LRCH4: variants seen among roughly 807,000 people sequenced by gnomAD.
LRCH4 encodes leucine-rich repeat and calponin homology domain-containing protein 4.
A neutral mutation model predicts 81.2 loss-of-function variants in LRCH4; 56 were observed. The observed-to-expected ratio is 0.69, with a 90% CI of 0.56 to 0.86. The LOEUF (loss-of-function observed/expected upper bound fraction) is 0.86, where lower values mean the gene tolerates loss of function less well. Ranked by LOEUF, LRCH4 falls within the 40% of genes least tolerant of loss-of-function variation. The pLI is 0.00. For synonymous variants in LRCH4, 442 were observed against 409.7 expected (o/e 1.08, Z -0.95); for missense variants, 895 against 922.8 (o/e 0.97, Z 0.39).
chr7:100,583,983 C>T lies in LRCH4; in HGVS notation c.221-1524G>A. 1 of 364,796 alleles carries T rather than the reference C, an allele frequency of 2.7e-6. No homozygotes were observed. The highest frequency in any genetic ancestry group is 5.5e-6 in the Non-Finnish European group (1 of 180,416). The allele number at this position is 364,796 out of a possible 1,614,324, so 22.6% of individuals were successfully genotyped here. ...CTGGGAGAGAATGAGCTGCACTTCT[C>T]CTTTGCAAGATGGCCCCTCCCCGCC... On this transcript the variant is annotated intron_variant, in intron 1 of 17. Coordinates refer to ENST00000310300, the MANE Select transcript of LRCH4 (RefSeq NM_002319.5). This position sits in a 1 kb window ranked among gnomAD's most constrained non-coding sequence, Gnocchi z 4.3.
Position 100,576,020 on chromosome 7 carries a change from G to C in LRCH4, c.1639-12C>G. 6.3e-7 allele frequency: 1 copy of C among 1,598,882 alleles called. No homozygotes were observed. Among genetic ancestry groups the C allele is most frequent in the Non-Finnish European group, 8.5e-7 (1 of 1,176,984 alleles). On this transcript the variant is annotated splice_polypyrimidine_tract_variant and intron_variant, in intron 15 of 17. Coordinates refer to ENST00000310300, the MANE Select transcript of LRCH4 (RefSeq NM_002319.5). ...CGGGACTCAAGGACCTGGCAGTGTA[G>C]ACCACATAGAGCAGGGGTCAGGGAA...
At position 100,575,187 on chromosome 7, in the gene LRCH4, C is replaced by T. The variant is rs1487842435; in HGVS notation, c.1972G>A (p.Gly658Ser). ...KALPPLWPPSGLGGFVVFYVV... is the reference protein window; with the variant it reads ...KALPPLWPPSSLGGFVVFYVV... ...TAGAAGACGACGAAGCCGCCCAGAC[C>T]AGAGGGGGGCCAGAGGGGCGGTAGG... Residue 658 changes from glycine (G) to serine (S), a missense_variant, in exon 18 of 18, where the codon GGT (glycine) becomes AGT (serine). Around this residue, in one of 3 missense-constraint regions of LRCH4, gnomAD observed 529 missense variants for 504.9 expected, o/e 1.05. Coordinates refer to ENST00000310300, the MANE Select transcript of LRCH4 (RefSeq NM_002319.5). This position sits in a 1 kb window ranked among gnomAD's most constrained non-coding sequence, Gnocchi z 5.3. The T allele has an allele frequency of 6.2e-7, 1 of 1,613,198 alleles. No individual in the cohort carries two copies. The highest frequency in any genetic ancestry group is 8.5e-7 in the Non-Finnish European group (1 of 1,179,596).
chr7:100,585,867 C>T lies in LRCH4; in HGVS notation c.220+14G>A, dbSNP rs1248114632. 1 of 1,560,320 alleles carries T rather than the reference C, an allele frequency of 6.4e-7. No homozygotes were observed. Among genetic ancestry groups the T allele is most frequent in the Non-Finnish European group, 8.7e-7 (1 of 1,148,414 alleles). Reference sequence around the variant, plus strand: ...TGAGGGACCCGGTTGGGCCCGGGGCCCGGCTGCACTCACCAGCCTGGGTGA... The same window carrying T: ...TGAGGGACCCGGTTGGGCCCGGGGCTCGGCTGCACTCACCAGCCTGGGTGA... On this transcript the variant is annotated intron_variant, in intron 1 of 17. Transcript: ENST00000310300.
rs773084693 is a variant in LRCH4, at chr7:100,576,914, T to C, written c.1456A>G (p.Ile486Val). Residue 486 changes from isoleucine (I) to valine (V), a missense_variant, in exon 13 of 18, where the codon ATA (isoleucine) becomes GTA (valine). Ile to Val is a conservative substitution (Grantham distance 29). This residue lies in a region of LRCH4 where 529 missense variants were observed against 504.9 expected (regional missense o/e 1.05). Coordinates refer to ENST00000310300, the MANE Select transcript of LRCH4 (RefSeq NM_002319.5). Reference protein sequence around the residue: ...PAPASQEPLPIAGPATAPAPR... With the variant: ...PAPASQEPLPVAGPATAPAPR... ...ATCCCTGTCCCACCTGGTCCAGCTA[T>C]GGGAAGGGGCTCTTGGGAGGCAGGG... 2.6e-6 allele frequency: 4 copies of C among 1,556,092 alleles called. No homozygotes were observed. The highest frequency in any genetic ancestry group is 3.5e-6 in the Non-Finnish European group (4 of 1,147,726).
At position 100,582,257 on chromosome 7, in the gene LRCH4, G is replaced by A; in HGVS notation, c.365+58C>T. 5 of 1,613,680 alleles carry A rather than the reference G, an allele frequency of 3.1e-6. 1 individual carries two copies. In the South Asian group the frequency reaches 5.5e-5, roughly 18 times the overall value. ...TCGGGGTCACTGGGTGGGTCACTCA[G>A]TAGTACTTGAGACTGAGAAGCACAC... is the stretch of plus-strand genomic sequence containing the variant. On this transcript the variant is annotated intron_variant, in intron 2 of 17. Transcript: ENST00000310300. The surrounding 1 kb of genome is among the most constrained non-coding windows in gnomAD (Gnocchi z 5.0).
chr7:100,575,937 C>A lies in LRCH4; in HGVS notation c.1710G>T (p.Leu570=). The change falls in exon 16 of 18, where the codon CTG becomes CTT. Residue 570 remains leucine (L), a synonymous_variant. Coordinates refer to ENST00000310300, the MANE Select transcript of LRCH4 (RefSeq NM_002319.5). The surrounding 1 kb of genome is among the most constrained non-coding windows in gnomAD (Gnocchi z 5.3). Reference sequence around the variant, plus strand: ...GCCGTAGCTGGTTGGCCAGCTGGCACAGGATGACCCCACTGGCCAGAGCCT... The same window carrying A: ...GCCGTAGCTGGTTGGCCAGCTGGCAAAGGATGACCCCACTGGCCAGAGCCT... ...LAEALASGVI[L]CQLANQLRPR... 6.2e-7 allele frequency: 1 copy of A among 1,611,296 alleles called. No individual in the cohort carries two copies.
At position 100,574,617 on chromosome 7, in the gene LRCH4, G is replaced by GGC. The variant is rs1554348384; in HGVS notation, c.*489_*490insGC. 7.3e-6 allele frequency: 1 copy of GGC among 136,878 alleles called. No individual in the cohort carries two copies. The highest frequency in any genetic ancestry group is 2.9e-5 in the African/African-American group (1 of 34,174). The allele number at this position is 136,878 out of a possible 1,614,324, so 8.5% of individuals were successfully genotyped here. On this transcript the variant is annotated 3_prime_UTR_variant, in exon 18 of 18. Coordinates refer to ENST00000310300, the MANE Select transcript of LRCH4 (RefSeq NM_002319.5). ...GCCACAGCCACCAACACGCGGAGCA[G>GGC]ACGCGCGCGCGCGCGCACACACACA...
Position 100,575,014 on chromosome 7 carries a change from G to T in LRCH4, c.*93C>A. 8.3e-7 allele frequency: 1 copy of T among 1,211,950 alleles called. No individual in the cohort carries two copies. Among genetic ancestry groups the T allele is most frequent in the Non-Finnish European group, 1.1e-6 (1 of 871,086 alleles). 75.1% of individuals were successfully genotyped at this position (1,211,950 alleles called of 1,614,324 possible). On this transcript the variant is annotated 3_prime_UTR_variant, in exon 18 of 18. Transcript: ENST00000310300. This position sits in a 1 kb window ranked among gnomAD's most constrained non-coding sequence, Gnocchi z 5.3. ...AGGGGGTGCACTAGTGTCTTTGGTTGGGGCTGAAGGCACCGCAGGTGGGGT... is the reference window on the plus strand; with the variant it reads ...AGGGGGTGCACTAGTGTCTTTGGTTTGGGCTGAAGGCACCGCAGGTGGGGT...
rs773620187 is a variant in LRCH4, at chr7:100,577,017, C to G, written c.1365-12G>C. 6.2e-7 allele frequency: 1 copy of G among 1,613,704 alleles called. No individual in the cohort carries two copies. The highest frequency in any genetic ancestry group is 8.5e-7 in the Non-Finnish European group (1 of 1,179,728). On this transcript the variant is annotated splice_polypyrimidine_tract_variant and intron_variant, in intron 12 of 17. Coordinates refer to ENST00000310300, the MANE Select transcript of LRCH4 (RefSeq NM_002319.5). This position sits in a 1 kb window ranked among gnomAD's most constrained non-coding sequence, Gnocchi z 6.7. Reference sequence around the variant, plus strand: ...ACTTAGGCGAGCCGCTGAGGAGAGACAGAAGGGAATTAGAGGGATGATGGT... The same window carrying G: ...ACTTAGGCGAGCCGCTGAGGAGAGAGAGAAGGGAATTAGAGGGATGATGGT...
intron 1 of LRCH4, chr7:100,584,678 C>T (rs765302152): frequency 8.8e-6 from 4 of 456,498 alleles, no homozygotes; most frequent in South Asian, 6.2e-5. Flanking sequence ...CTCACTCATT[C>T]CCCATCTCAA....
chr7:100,580,654 C>T (rs1298793634), intron 4 of LRCH4: 2 of 151,972 alleles, frequency 1.3e-5, no homozygotes, highest in Non-Finnish European at 2.9e-5. Context: ...GACACAAACA[C>T]ACATACACAT....
At position 100,577,926 on chromosome 7, in the gene LRCH4, G is replaced by T. The variant is rs1456390643; in HGVS notation, c.949-14C>A. 2.5e-6 allele frequency: 4 copies of T among 1,607,794 alleles called. No homozygotes were observed. Among genetic ancestry groups the T allele is most frequent in the Non-Finnish European group, 3.4e-6 (4 of 1,174,448 alleles). On this transcript the variant is annotated splice_polypyrimidine_tract_variant and intron_variant, in intron 7 of 17. Coordinates refer to ENST00000310300, the MANE Select transcript of LRCH4 (RefSeq NM_002319.5). The surrounding 1 kb of genome is among the most constrained non-coding windows in gnomAD (Gnocchi z 6.7). Reference sequence around the variant, plus strand: ...TTCATCTGTTGACTGTAAAGGCAGAGGCAGAGATGGGAGATGGCCTCTCTG... The same window carrying T: ...TTCATCTGTTGACTGTAAAGGCAGATGCAGAGATGGGAGATGGCCTCTCTG...
At position 100,574,952 on chromosome 7, in the gene LRCH4, G is replaced by A. The variant is rs1801296643; in HGVS notation, c.*155C>T. ...AGAGGCTGGGGGCCCAGGGTCTGGG[G>A]GCACCAGAGTGGGGCCTCTGAGGTC... is the stretch of plus-strand genomic sequence containing the variant. On this transcript the variant is annotated 3_prime_UTR_variant, in exon 18 of 18. Coordinates refer to ENST00000310300, the MANE Select transcript of LRCH4 (RefSeq NM_002319.5). 2.8e-6 allele frequency: 2 copies of A among 710,508 alleles called. No individual in the cohort carries two copies. The highest frequency in any genetic ancestry group is 4.6e-6 in the Non-Finnish European group (2 of 432,794). 44.0% of individuals were successfully genotyped at this position (710,508 alleles called of 1,614,324 possible). A position where few individuals can be genotyped will look rare whatever the true frequency, so the allele number is the denominator to read the frequency against.
rs1402589561 is a variant in LRCH4, at chr7:100,576,685, G to A, written c.1552+9C>T. On this transcript the variant is annotated intron_variant, in intron 14 of 17. Transcript: ENST00000310300. ...ACTGGGTCAGCACTGGGGAGGGCAG[G>A]ACACCCACCTGAGCCACTCTGAGAG... The A allele has an allele frequency of 1.3e-6, 2 of 1,581,276 alleles. No homozygotes were observed. The highest frequency in any genetic ancestry group is 1.7e-6 in the Non-Finnish European group (2 of 1,163,468).
At position 100,577,849 on chromosome 7, in the gene LRCH4, GT is replaced by G; in HGVS notation, c.1011del (p.Arg339GlufsTer41). Reference protein sequence around the residue: ...RISELAREPRGPRERKEDGSA... With the variant: ...RISELAREPRXPRERKEDGSA... ...GAGCCATCCTCCTTGCGTTCTCTGG[GT>G]CCCCGGGGCTCCCGGGCCAGCTCTG... is the stretch of plus-strand genomic sequence containing the variant. On this transcript the variant is annotated frameshift_variant, in exon 8 of 18. Coordinates refer to ENST00000310300, the MANE Select transcript of LRCH4 (RefSeq NM_002319.5). LOFTEE classifies it high-confidence loss of function. This position sits in a 1 kb window ranked among gnomAD's most constrained non-coding sequence, Gnocchi z 6.7. The G allele has an allele frequency of 6.2e-7, 1 of 1,612,976 alleles. No homozygotes were observed. Among genetic ancestry groups the G allele is most frequent in the African/African-American group, 1.3e-5 (1 of 74,954 alleles).
At position 100,574,967 on chromosome 7, in the gene LRCH4, CCT is replaced by C. The variant is rs141971636; in HGVS notation, c.*138_*139del. The C allele has an allele frequency of 9.1e-4, 732 of 802,926 alleles. 8 individuals are homozygous for C. The East Asian group carries it at 0.019, about 21-fold the overall frequency. 49.7% of individuals were successfully genotyped at this position (802,926 alleles called of 1,614,324 possible). On this transcript the variant is annotated 3_prime_UTR_variant, in exon 18 of 18. Coordinates refer to ENST00000310300, the MANE Select transcript of LRCH4 (RefSeq NM_002319.5). The stretch of plus-strand genomic sequence containing the variant: ...AGGGTCTGGGGGCACCAGAGTGGGG[CCT>C]CTGAGGTCAGTGTCTGTGAAGGGGG...
In LRCH4 at chr7:100,578,966, T is replaced by C; in HGVS notation, c.599-180A>G. ...TGCTCCTCTCTCCACATGATTCTGGTCCACGGTCTAAGCGAGCCTCCCTGA... is the reference window on the plus strand; with the variant it reads ...TGCTCCTCTCTCCACATGATTCTGGCCCACGGTCTAAGCGAGCCTCCCTGA... On this transcript the variant is annotated intron_variant, in intron 4 of 17. Coordinates refer to ENST00000310300, the MANE Select transcript of LRCH4 (RefSeq NM_002319.5). This position sits in a 1 kb window ranked among gnomAD's most constrained non-coding sequence, Gnocchi z 5.7. 3 of 642,714 alleles carry C rather than the reference T, an allele frequency of 4.7e-6. No individual in the cohort carries two copies. Among genetic ancestry groups the C allele is most frequent in the Non-Finnish European group, 7.9e-6 (3 of 377,890 alleles). The allele number at this position is 642,714 out of a possible 1,614,324, so 39.8% of individuals were successfully genotyped here.
chr7:100,574,626 GCGCGCGCA>G lies in LRCH4; in HGVS notation c.*473_*480del, dbSNP rs1801277324. On this transcript the variant is annotated 3_prime_UTR_variant, in exon 18 of 18. Coordinates refer to ENST00000310300, the MANE Select transcript of LRCH4 (RefSeq NM_002319.5). ...ACCAACACGCGGAGCAGACGCGCGC[GCGCGCGCA>G]CACACACACACACAGGCAGGGCGGC... The G allele has an allele frequency of 1.5e-5, 2 of 133,878 alleles. No homozygotes were observed. The highest frequency in any genetic ancestry group is 1.4e-4 in the Admixed American group (2 of 13,850). The allele number at this position is 133,878 out of a possible 1,614,324, so 8.3% of individuals were successfully genotyped here.
intron 1 of LRCH4, chr7:100,584,174 G>A: frequency 2.2e-6 from 1 of 456,586 alleles, no homozygotes; most frequent in Non-Finnish European, 4.4e-6. Context: ...TCGTCTGCTT[G>A]GAGGGCGAGG....
Sources: gnomAD v4.1 joint callset for allele counts on GRCh38, gnomAD v4.1.1 for gene constraint, gnomAD v4.1.1 regional missense constraint, Gnocchi (gnomAD v3.1) non-coding constraint, MANE v1.5 for transcripts, NCBI Gene and HGNC (gene_info 2026-07-23, HGNC 2026-07-21) for gene names.